Variants in XPO6 observed in about 807,000 individuals in gnomAD.
The protein encoded by XPO6 is exportin 6, also known as exportin-6.
In XPO6, 3 loss-of-function variants were observed where a neutral mutation model predicts 130.0. That is an observed-to-expected ratio of 0.02 (90% CI 0.01 to 0.06). XPO6 has a LOEUF of 0.06. XPO6 is among the 10% of genes least tolerant of loss of function. The pLI is 1.00. For missense variants in XPO6, 970 were observed against 1,393.0 expected, an observed-to-expected ratio of 0.70 and a Z score of 4.83; for synonymous variants, 524 against 548.9, an observed-to-expected ratio of 0.95 and a Z score of 0.63.
chr16:28,169,443 C>T (rs886066914), intron 5 of XPO6, among the ~76,000 whole-genome samples: 2 of 152,184 alleles, frequency 1.3e-5, no homozygotes, highest in African/African-American at 2.4e-5. Flanking sequence ...GTGCTTGCCA[C>T]CCACCTAACT....
At chr16:28,186,371 A>ATTTTTTTTTTTTTTTTTTTTTTT (rs1237138991) in intron 1 of XPO6, among the ~76,000 whole-genome samples, 2 of 10,130 alleles carry the variant, frequency 2.0e-4, no homozygotes, top group African/African-American at 4.1e-4. Context: ...TGCCCCAGTT[A>ATTTTTTTTTTTTTTTTTTTTTTT]TTCTTTTTTT....
chr16:28,194,500 A>C (rs1388033582), intron 1 of XPO6, among the ~76,000 whole-genome samples: 1 of 151,982 alleles, frequency 6.6e-6, no homozygotes, highest in Non-Finnish European at 1.5e-5. Context: ...CCACCATATA[A>C]AGCAGACTAA....
At chr16:28,102,036 G>A in intron 21 of XPO6, 91 bp from the exon 22 acceptor site, 1 of 1,065,134 alleles carries the variant, frequency 9.4e-7, no homozygotes, top group Non-Finnish European at 1.4e-6. Context: ...CCAGGGCCAG[G>A]GTACCCATTG....
In XPO6 at chr16:28,192,262, CAAAA is replaced by C. The variant is rs11429447; in HGVS notation, c.4-11235_4-11232del. Among the ~76,000 whole-genome samples the C allele has an allele frequency of 7.1e-3, 583 of 82,446 alleles. 4 individuals are homozygous for C. Among genetic ancestry groups the C allele is most frequent in the African/African-American group, 0.023 (544 of 23,266 alleles). The allele number at this position is 82,446 out of a possible 152,430, so 54.1% of individuals were successfully genotyped here. ...TGGGTGACAGAGCAAGACTCCGTCT[CAAAA>C]AAAAAAAAAAAAAAAAAAGTTATAA... On this transcript the variant is annotated intron_variant, in intron 1 of 23. Transcript: ENST00000304658.
intron 21 of XPO6, among the ~76,000 whole-genome samples, chr16:28,102,999 C>T (rs2086685212): frequency 6.6e-6 from 1 of 152,222 alleles, no homozygotes; most frequent in East Asian, 1.9e-4. Context: ...CAATAGTTTC[C>T]ACTTATTTAC....
intron 23 of XPO6, among the ~76,000 whole-genome samples, chr16:28,098,847 G>A (rs1288612931): frequency 1.3e-5 from 2 of 152,152 alleles, no homozygotes; most frequent in Admixed American, 1.3e-4. Flanking sequence ...TACGTCCCTA[G>A]GGCCTCTCGG....
intron 1 of XPO6, among the ~76,000 whole-genome samples, chr16:28,208,359 T>G (rs1294217897): frequency 1.3e-5 from 2 of 152,108 alleles, no homozygotes; most frequent in Non-Finnish European, 2.9e-5. Context: ...GGAAATAATT[T>G]CCTGGAATAA....
At chr16:28,107,473 G>A (rs774377357) in intron 18 of XPO6, 49 bp downstream of exon 18, 2 of 1,605,752 alleles carry the variant, frequency 1.2e-6, no homozygotes, top group Admixed American at 3.3e-5. Context: ...TGGGTATTCT[G>A]GCCCTTGTTA....
intron 21 of XPO6, among the ~76,000 whole-genome samples, chr16:28,102,320 T>A (rs1596771479): frequency 6.6e-6 from 1 of 152,056 alleles, no homozygotes; most frequent in Non-Finnish European, 1.5e-5. Context: ...CCTTCTTGCA[T>A]CCCCCGTCTC....
intron 5 of XPO6, chr16:28,167,296 G>C: frequency 1.0e-6 from 1 of 985,350 alleles, no homozygotes; most frequent in Non-Finnish European, 1.2e-6. Flanking sequence ...TCAACTTTTC[G>C]TTCCCCACAA....
intron 4 of XPO6, among the ~76,000 whole-genome samples, chr16:28,170,318 G>C (rs1172450237): frequency 7.5e-6 from 1 of 132,572 alleles, no homozygotes; most frequent in Non-Finnish European, 1.5e-5. Flanking sequence ...GGCACCGAGA[G>C]CAAAACTCTG....
chr16:28,126,968 C>G (rs1332999444), intron 12 of XPO6, among the ~76,000 whole-genome samples: 2 of 152,134 alleles, frequency 1.3e-5, no homozygotes, highest in African/African-American at 4.8e-5. Context: ...TCATCACCAA[C>G]CCTCCTCCTC....
chr16:28,126,364 T>C (rs2087410701), intron 12 of XPO6, among the ~76,000 whole-genome samples: 1 of 152,040 alleles, frequency 6.6e-6, no homozygotes, highest in African/African-American at 2.4e-5. Flanking sequence ...AGAGGTACAC[T>C]CAGCACTCCA....
chr16:28,098,586 G>A lies in XPO6; in HGVS notation c.3330C>T (p.Tyr1110=), dbSNP rs1390101379. 1.2e-6 allele frequency: 2 copies of A among 1,613,074 alleles called. No individual in the cohort carries two copies. The highest frequency in any genetic ancestry group is 2.2e-5 in the East Asian group (1 of 44,840). The part of the protein sequence containing the change: ...NVHRLVNDLR[Y]YRLCNDSLPP... ...GCAGGCTGTCGTTGCAGAGTCTGTA[G>A]TAGCGCAGGTCGTTGACCAGCCTGT... Residue 1110 remains tyrosine (Y), a synonymous_variant, in exon 24 of 24, where the codon TAC becomes TAT. Coordinates refer to ENST00000304658, the MANE Select transcript of XPO6 (RefSeq NM_015171.4).
chr16:28,132,653 TTAA>T lies in XPO6; in HGVS notation c.1537-253_1537-251del, dbSNP rs2042695438. Among the ~76,000 whole-genome samples the T allele has an allele frequency of 7.3e-6, 1 of 136,232 alleles. No individual in the cohort carries two copies. The highest frequency in any genetic ancestry group is 2.8e-5 in the African/African-American group (1 of 35,442). The allele number at this position is 136,232 out of a possible 152,430, so 89.4% of individuals were successfully genotyped here. On this transcript the variant is annotated intron_variant, in intron 11 of 23. Transcript: ENST00000304658. The surrounding 1 kb of genome is among the most constrained non-coding windows in gnomAD (Gnocchi z 4.0). ...AAAACGTATTAGTTCAACCCTTTTTTTAAAAAAAAAAAAAAAGCAAAGGACACT... is the reference window on the plus strand; with the variant it reads ...AAAACGTATTAGTTCAACCCTTTTTTAAAAAAAAAAAAAGCAAAGGACACT...
chr16:28,112,313 T>G (rs141062458), intron 16 of XPO6, among the ~76,000 whole-genome samples: 1 of 152,298 alleles, frequency 6.6e-6, no homozygotes, highest in South Asian at 2.1e-4. Flanking sequence ...TCTCAGGCAT[T>G]GTTCAGCTGG....
chr16:28,183,278 GA>G (rs1012129369), intron 1 of XPO6: 7 of 152,196 alleles, frequency 4.6e-5, no homozygotes, highest in Non-Finnish European at 8.8e-5. Context: ...AGTTCCTGCA[GA>G]AAGTGGAAGG....
At chr16:28,203,275 C>CAAA (rs1217549078) in intron 1 of XPO6, among the ~76,000 whole-genome samples, 1 of 76,250 alleles carries the variant, frequency 1.3e-5, no homozygotes. Context: ...GACCCCATCT[C>CAAA]AAAAAAAAAA....
chr16:28,187,113 T>C (rs2043707948), intron 1 of XPO6, among the ~76,000 whole-genome samples: 1 of 152,118 alleles, frequency 6.6e-6, no homozygotes, highest in African/African-American at 2.4e-5. Context: ...GATTTGGGTT[T>C]TGAAGAGCAA....
Sources: gnomAD v4.1 joint callset for allele counts (sites outside exome capture counted in the v4.1 genomes callset) on GRCh38, gnomAD v4.1.1 for gene constraint, Gnocchi (gnomAD v3.1) non-coding constraint, MANE v1.5 for transcripts, NCBI Gene and HGNC (gene_info 2026-07-23, HGNC 2026-07-21) for gene names.